PTPRC: variants seen among roughly 807,000 people sequenced by gnomAD.
PTPRC encodes the protein protein tyrosine phosphatase receptor type C.
In PTPRC, 44 loss-of-function variants were observed where a neutral mutation model predicts 155.9. That is an observed-to-expected ratio of 0.28 (90% CI 0.22 to 0.36). The LOEUF is 0.36. Among genes scored for constraint, PTPRC ranks in the 10% least tolerant of loss-of-function variants. The pLI, the probability that PTPRC is intolerant of heterozygous loss-of-function variation, is 1.00. For synonymous variants in PTPRC, 525 were observed against 533.1 expected, an observed-to-expected ratio of 0.98 and a Z score of 0.21; for missense variants, 1,401 against 1,564.6, an observed-to-expected ratio of 0.90 and a Z score of 1.76.
At chr1:198,694,068 A>G in intron 3 of PTPRC, 2 of 1,549,232 alleles carry the variant, frequency 1.3e-6, no homozygotes, top group Non-Finnish European at 1.7e-6. Flanking sequence ...ACCAAACCTC[A>G]AAAGTAGGGA....
In PTPRC at chr1:198,718,114, A is replaced by T. The variant is rs910573647; in HGVS notation, c.1471A>T (p.Met491Leu). ...KSAPPSQVWN[M>L]TVSMTSDNSM... is the part of the protein sequence containing the mutation. ...GATAGCTCCAAGCCAGGTCTGGAAC[A>T]TGACTGTCTCCATGACATCAGATAA... The change falls in exon 14 of 33, where the codon ATG becomes TTG. Residue 491 changes from methionine to leucine, a missense_variant. Met to Leu is a conservative substitution (Grantham distance 15). Coordinates refer to ENST00000442510, the MANE Select transcript of PTPRC (RefSeq NM_002838.5). 6.2e-7 allele frequency: 1 copy of T among 1,613,504 alleles called. No homozygotes were observed. Among genetic ancestry groups the T allele is most frequent in the South Asian group, 1.1e-5 (1 of 91,072 alleles).
intron 3 of PTPRC, 30 bp downstream of exon 3, chr1:198,692,403 T>A: frequency 7.4e-7 from 1 of 1,355,804 alleles, no homozygotes; most frequent in Non-Finnish European, 9.7e-7. Context: ...TTTTTACTAA[T>A]TTTATTTTCT....
intron 15 of PTPRC, among the ~76,000 whole-genome samples, chr1:198,726,866 C>CT (rs575567355): frequency 0.11 from 14,871 of 137,946 alleles, 822 homozygotes; most frequent in Non-Finnish European, 0.14. Flanking sequence ...CTTTTCTTTC[C>CT]TTTTTTTTTT....
intron 2 of PTPRC, among the ~76,000 whole-genome samples, chr1:198,662,012 G>T (rs1022984142): frequency 3.3e-5 from 5 of 152,248 alleles, no homozygotes; most frequent in East Asian, 3.9e-4. Flanking sequence ...AATCAACAAA[G>T]ACTTGTCTTC....
chr1:198,711,867 TG>T (rs1376925865), intron 11 of PTPRC, among the ~76,000 whole-genome samples: 4 of 152,238 alleles, frequency 2.6e-5, no homozygotes, highest in African/African-American at 4.8e-5. Flanking sequence ...CATTAAATGA[TG>T]CTCAGCATCA....
chr1:198,734,539 A>G, intron 22 of PTPRC, 114 bp downstream of exon 22: 1 of 925,920 alleles, frequency 1.1e-6, no homozygotes, highest in Non-Finnish European at 1.8e-6. Context: ...AGAGTTCTCT[A>G]TTTTAATCAG....
intron 23 of PTPRC, 127 bp from the exon 24 acceptor site, chr1:198,741,742 T>C: frequency 1.1e-6 from 1 of 933,118 alleles, no homozygotes; most frequent in African/African-American, 1.7e-5. Context: ...CTGAGGAAAC[T>C]ATGAACTCTT....
intron 32 of PTPRC, among the ~76,000 whole-genome samples, chr1:198,754,629 T>TTTG (rs1655544653): frequency 6.6e-6 from 1 of 152,072 alleles, no homozygotes; most frequent in African/African-American, 2.4e-5. Flanking sequence ...TTACTAGCAC[T>TTTG]TTGTTGTGAC....
chr1:198,748,199 T>A lies in PTPRC; in HGVS notation c.2938T>A (p.Tyr980Asn). 1 of 1,601,132 alleles carries A rather than the reference T, an allele frequency of 6.2e-7. No homozygotes were observed. Among genetic ancestry groups the A allele is most frequent in the Admixed American group, 1.7e-5 (1 of 58,780 alleles). Residue 980 changes from tyrosine (Y) to asparagine (N), a missense_variant and splice_region_variant, in exon 27 of 33, where the codon TAT (tyrosine) becomes AAT (asparagine). Tyr to Asn is a moderately radical substitution (Grantham distance 143, BLOSUM62 -2). Transcript: ENST00000442510. The part of the protein sequence containing the change: ...SKNRNSNVIP[Y>N]DYNRVPLKHE... ...AAACAGGAATTCTAATGTCATCCCA[T>A]GTATGTAGTTTATTTTTTTATTTTT...
chr1:198,646,041 G>T (rs1662920558), intron 2 of PTPRC, among the ~76,000 whole-genome samples: 1 of 151,626 alleles, frequency 6.6e-6, no homozygotes, highest in Non-Finnish European at 1.5e-5. Flanking sequence ...TACCAAGTAT[G>T]TTTTGGCTCA....
intron 2 of PTPRC, among the ~76,000 whole-genome samples, chr1:198,682,525 C>A (rs1318127542): frequency 6.6e-6 from 1 of 152,160 alleles, no homozygotes; most frequent in African/African-American, 2.4e-5. Context: ...CACGTTTCTA[C>A]ATAACTAGAT....
chr1:198,726,311 A>T (rs1478066455), intron 15 of PTPRC, among the ~76,000 whole-genome samples: 1 of 152,178 alleles, frequency 6.6e-6, no homozygotes, highest in Non-Finnish European at 1.5e-5. Context: ...GGAATTTCAG[A>T]TAGAGATAAG....
At chr1:198,680,450 CAG>C (rs1665252368) in intron 2 of PTPRC, among the ~76,000 whole-genome samples, 1 of 129,432 alleles carries the variant, frequency 7.7e-6, no homozygotes, top group South Asian at 2.3e-4. Flanking sequence ...AAAACTCTCT[CAG>C]AAAAAAAAAA....
chr1:198,695,171 A>G (rs1666133957), intron 3 of PTPRC: 4 of 884,212 alleles, frequency 4.5e-6, no homozygotes, highest in Non-Finnish European at 5.4e-6. Flanking sequence ...TTTTTTATTT[A>G]TCATACTATT....
At chr1:198,744,384 C>G (rs1205427682) in intron 26 of PTPRC, among the ~76,000 whole-genome samples, 181 bp downstream of exon 26, 1 of 151,868 alleles carries the variant, frequency 6.6e-6, no homozygotes, top group Non-Finnish European at 1.5e-5. Flanking sequence ...ATCTACACAA[C>G]TATTACATAG....
intron 23 of PTPRC, among the ~76,000 whole-genome samples, chr1:198,740,862 T>C (rs1654868864): frequency 6.6e-6 from 1 of 151,906 alleles, no homozygotes; most frequent in South Asian, 2.1e-4. Context: ...GTTAAGATTT[T>C]CTCTTAATTT....
chr1:198,695,584 C>T (rs910864106), intron 3 of PTPRC, among the ~76,000 whole-genome samples: 1 of 151,208 alleles, frequency 6.6e-6, no homozygotes, highest in Admixed American at 6.6e-5. Context: ...GGACTTTAAT[C>T]AACAGTGCTG....
intron 5 of PTPRC, among the ~76,000 whole-genome samples, chr1:198,702,136 T>C (rs1477943888): frequency 6.6e-6 from 1 of 152,202 alleles, no homozygotes; most frequent in Admixed American, 6.5e-5. Context: ...CCAAACTATA[T>C]ATTTTTTTAA....
intron 28 of PTPRC, among the ~76,000 whole-genome samples, chr1:198,750,048 G>C (rs1655309465): frequency 6.6e-6 from 1 of 150,438 alleles, no homozygotes. Context: ...ATACACTGTT[G>C]GATTTACTTA....
Sources: gnomAD v4.1 joint callset for allele counts (sites outside exome capture counted in the v4.1 genomes callset) on GRCh38, gnomAD v4.1.1 for gene constraint, MANE v1.5 for transcripts, NCBI Gene and HGNC (gene_info 2026-07-23, HGNC 2026-07-21) for gene names.